The following SERINC5 variants were observed in gnomAD, a reference collection of about 807,000 sequenced individuals.
SERINC5 encodes serine incorporator 5.
A neutral mutation model predicts 63.1 loss-of-function variants in SERINC5; 41 were observed. The ratio of observed to expected loss-of-function variants is 0.65; its 90% CI spans 0.51 to 0.84. SERINC5 has a LOEUF of 0.84. Among genes scored for constraint, SERINC5 ranks in the 40% least tolerant of loss-of-function variants. The pLI, the probability that SERINC5 is intolerant of heterozygous loss-of-function variation, is 0.00. For synonymous variants in SERINC5, 222 were observed against 215.2 expected, an observed-to-expected ratio of 1.03 and a Z score of -0.28; for missense variants, 523 against 573.0, an observed-to-expected ratio of 0.91 and a Z score of 0.89.
downstream of SERINC5, among the ~76,000 whole-genome samples, chr5:80,136,902 G>A (rs187516965): frequency 1.3e-4 from 19 of 151,688 alleles, no homozygotes; most frequent in African/African-American, 4.1e-4. Flanking sequence ...TTGGGAGGCC[G>A]AGGCAGGCAG....
chr5:80,180,643 G>T (rs1344102379), intron 2 of SERINC5, among the ~76,000 whole-genome samples: 1 of 152,184 alleles, frequency 6.6e-6, no homozygotes, highest in African/African-American at 2.4e-5. Flanking sequence ...GAGAAGGCAT[G>T]CAGGAAAAGG....
At chr5:80,215,710 T>C (rs1750630028) in intron 1 of SERINC5, among the ~76,000 whole-genome samples, 2 of 152,312 alleles carry the variant, frequency 1.3e-5, no homozygotes, top group Middle Eastern at 3.4e-3. Flanking sequence ...AGTTTCAACA[T>C]ACTAGAGCGG....
chr5:80,237,496 T>C (rs979554939), intron 1 of SERINC5, among the ~76,000 whole-genome samples: 1 of 151,662 alleles, frequency 6.6e-6, no homozygotes, highest in Non-Finnish European at 1.5e-5. Context: ...ACCACGCCCA[T>C]CTAATGTTTG....
chr5:80,120,707 C>T (rs535963836), intron 11 of SERINC5, among the ~76,000 whole-genome samples: 2 of 151,922 alleles, frequency 1.3e-5, no homozygotes, highest in South Asian at 2.1e-4. Context: ...CCCAGCTATT[C>T]GGGTGGCTGA....
At chr5:80,113,622 A>C (rs1238512359) in exon 12 of SERINC5, 3 of 298,720 alleles carry the variant, frequency 1.0e-5, no homozygotes, top group East Asian at 2.2e-4. Context: ...GGTGAAAGGC[A>C]CTTCTTACAT....
chr5:80,232,377 C>T (rs1259350892), intron 1 of SERINC5, among the ~76,000 whole-genome samples: 1 of 150,542 alleles, frequency 6.6e-6, no homozygotes, highest in Non-Finnish European at 1.5e-5. Context: ...GCACTCCAGC[C>T]TGGGCGACAG....
intron 1 of SERINC5, among the ~76,000 whole-genome samples, chr5:80,207,325 T>A (rs913650020): frequency 7.9e-5 from 12 of 152,200 alleles, no homozygotes; most frequent in African/African-American, 2.7e-4. Context: ...CAAGTTCAAA[T>A]GTGATCAACA....
chr5:80,249,423 A>G (rs1752304762), intron 1 of SERINC5, among the ~76,000 whole-genome samples: 1 of 152,226 alleles, frequency 6.6e-6, no homozygotes, highest in Non-Finnish European at 1.5e-5. Flanking sequence ...ATGTTAAAAA[A>G]AACTTTATCA....
At chr5:80,122,271 G>A (rs887524686) in intron 11 of SERINC5, among the ~76,000 whole-genome samples, 1 of 150,584 alleles carries the variant, frequency 6.6e-6, no homozygotes, top group African/African-American at 2.5e-5. Context: ...TAGGCCATCT[G>A]CAGGCCGATC....
At chr5:80,250,261 A>G (rs1354409451) in intron 1 of SERINC5, among the ~76,000 whole-genome samples, 3 of 152,242 alleles carry the variant, frequency 2.0e-5, no homozygotes, top group Non-Finnish European at 2.9e-5. Context: ...ATTACTGAGG[A>G]AACATTAATT....
chr5:80,187,214 AC>A (rs1325828326), intron 2 of SERINC5, among the ~76,000 whole-genome samples: 1 of 152,170 alleles, frequency 6.6e-6, no homozygotes, highest in African/African-American at 2.4e-5. Context: ...AATTATTCTT[AC>A]ATTTCATTAT....
chr5:80,184,880 T>TG (rs1330311176), intron 2 of SERINC5, among the ~76,000 whole-genome samples: 1 of 152,052 alleles, frequency 6.6e-6, no homozygotes, highest in African/African-American at 2.4e-5. Context: ...ACACACTGTA[T>TG]GTTGTTTCTT....
chr5:80,147,418 T>G (rs879894058), intron 9 of SERINC5, 134 bp from the exon 10 acceptor site: 3 of 900,032 alleles, frequency 3.3e-6, no homozygotes, highest in Non-Finnish European at 5.2e-6. Context: ...CCAGGTGTGC[T>G]GGGTGTTGGT....
rs1001333941 is a variant in SERINC5 at position 80,141,814 on chromosome 5, G to A, written c.*1849C>T. 8 of 985,326 alleles carry A rather than the reference G, an allele frequency of 8.1e-6. No homozygotes were observed. Among genetic ancestry groups the A allele is most frequent in the Non-Finnish European group, 9.6e-6 (8 of 829,892 alleles). The allele number at this position is 985,326 out of a possible 1,614,324, so 61.0% of individuals were successfully genotyped here. A position where few individuals can be genotyped will look rare whatever the true frequency, so the allele number is the denominator to read the frequency against. Reference sequence around the variant, plus strand: ...CCTGCCCTAAAAAAGGAAATTTAATGGAATTTACAAAACAAGGCTCTCTAA... The same window carrying A: ...CCTGCCCTAAAAAAGGAAATTTAATAGAATTTACAAAACAAGGCTCTCTAA... On this transcript the variant is annotated 3_prime_UTR_variant, in exon 12 of 12. Transcript: ENST00000507668.
At chr5:80,230,401 A>G (rs1185546697) in intron 1 of SERINC5, among the ~76,000 whole-genome samples, 1 of 146,724 alleles carries the variant, frequency 6.8e-6, no homozygotes, top group Non-Finnish European at 1.5e-5. Context: ...GTGAGGTTGC[A>G]GTGAGCCAGG....
chr5:80,246,197 G>A (rs1248991449), intron 1 of SERINC5, among the ~76,000 whole-genome samples: 1 of 152,114 alleles, frequency 6.6e-6, no homozygotes, highest in African/African-American at 2.4e-5. Flanking sequence ...TTCCTCCCTA[G>A]TTGGGGTGAA....
At chr5:80,239,700 A>G (rs144799858) in intron 1 of SERINC5, among the ~76,000 whole-genome samples, 1 of 152,210 alleles carries the variant, frequency 6.6e-6, no homozygotes, top group East Asian at 1.9e-4. Context: ...ACTTTATTAT[A>G]CAAAAATAGC....
Position 80,198,616 on chromosome 5 carries a change from A to G in SERINC5, c.195+4270T>C, listed in dbSNP as rs1749645591. ...TCCAGTCACAGTCTCAGGCACTTCC[A>G]CGGCCAACAAAGAGGGGGTAAGGAC... On this transcript the variant is annotated intron_variant, in intron 2 of 11. Transcript: ENST00000507668. 3 of 985,216 alleles carry G rather than the reference A, an allele frequency of 3.0e-6. No homozygotes were observed. In the African/African-American group the frequency reaches 5.2e-5, roughly 17 times the overall value. The allele number at this position is 985,216 out of a possible 1,614,324, so 61.0% of individuals were successfully genotyped here.
At chr5:80,121,149 A>G (rs1744527790) in intron 11 of SERINC5, among the ~76,000 whole-genome samples, 1 of 152,330 alleles carries the variant, frequency 6.6e-6, no homozygotes, top group East Asian at 1.9e-4. Flanking sequence ...GGCCTCCCAA[A>G]GTACTGGGAT....
Sources: allele counts gnomAD v4.1 joint callset (sites outside exome capture counted in the v4.1 genomes callset), GRCh38; gene constraint gnomAD v4.1.1; transcripts MANE v1.5; gene names NCBI Gene and HGNC (gene_info 2026-07-23, HGNC 2026-07-21).